Variants in MTERF3 observed in about 807,000 individuals in gnomAD.
MTERF3 encodes the protein transcription termination factor 3, mitochondrial.
A neutral mutation model predicts 40.5 loss-of-function variants in MTERF3; 40 were observed. The observed-to-expected ratio is 0.99, with a 90% CI of 0.77 to 1.29. The LOEUF is 1.29. MTERF3 is among the 50% of genes most tolerant of loss of function. The pLI, the probability that MTERF3 is intolerant of heterozygous loss-of-function variation, is 0.00. For synonymous variants in MTERF3, 158 were observed against 166.6 expected (o/e 0.95, Z 0.40); for missense variants, 452 against 478.2 (o/e 0.95, Z 0.51).
In MTERF3 at chr8:96,245,857, T is replaced by C; in HGVS notation, c.897+3A>G. On this transcript the variant is annotated splice_donor_region_variant and intron_variant, in intron 6 of 7. Coordinates refer to ENST00000287025, the MANE Select transcript of MTERF3 (RefSeq NM_015942.5). ...TTTCTCAAAAAGCCTAAAGTTGTCC[T>C]ACCTTCATATTTTCTTTCACGGGTT... is the stretch of plus-strand genomic sequence containing the variant. The C allele has an allele frequency of 6.2e-7, 1 of 1,613,066 alleles. No individual in the cohort carries two copies. The highest frequency in any genetic ancestry group is 8.5e-7 in the Non-Finnish European group (1 of 1,179,076).
In MTERF3 at chr8:96,241,128, C is replaced by T. The variant is rs115914441; in HGVS notation, c.1060-1443G>A. Among the ~76,000 whole-genome samples the T allele has an allele frequency of 4.8e-3, 726 of 151,960 alleles. 3 individuals carry two copies. Among genetic ancestry groups the T allele is most frequent in the African/African-American group, 0.014 (582 of 41,462 alleles). On this transcript the variant is annotated intron_variant, in intron 7 of 7. Coordinates refer to ENST00000287025, the MANE Select transcript of MTERF3 (RefSeq NM_015942.5). ...GATTCTTGGCTTAAAAAACTATCAC[C>T]CGGCCGGGCGCGGTGGCTCACACCT...
intron 4 of MTERF3, among the ~76,000 whole-genome samples, chr8:96,250,681 A>AAGAAGGAGG (rs1195195158): frequency 2.1e-4 from 5 of 23,340 alleles, no homozygotes; most frequent in East Asian, 2.1e-3. Flanking sequence ...GAAGAAGAAG[A>AAGAAGGAGG]AGGAGGAGGA....
rs1286911802 is a variant in MTERF3, at chr8:96,239,675, G to T, written c.1070C>A (p.Thr357Lys). ...TCTTTCTTTGACCTTAAACAGCCTT[G>T]TATTAAATACCTAGAAAAGAAAAAA... ...IIVKFPQVFN[T>K]RLFKVKERHL... Residue 357 changes from threonine to lysine, a missense_variant, in exon 8 of 8, where the codon ACA becomes AAA. Coordinates refer to ENST00000287025, the MANE Select transcript of MTERF3 (RefSeq NM_015942.5). 4 of 1,580,492 alleles carry T rather than the reference G, an allele frequency of 2.5e-6. No individual in the cohort carries two copies. In the South Asian group the frequency reaches 4.7e-5, roughly 19 times the overall value.
Position 96,250,936 on chromosome 8 carries a change from A to G in MTERF3, c.647T>C (p.Phe216Ser). 1 of 1,609,852 alleles carries G rather than the reference A, an allele frequency of 6.2e-7. No individual in the cohort carries two copies. The highest frequency in any genetic ancestry group is 8.5e-7 in the Non-Finnish European group (1 of 1,179,054). Reference sequence around the variant, plus strand: ...CTTCAGATTTTCAAGGTCTTCAGAGAAAATTGCATGATTTTTTGTCAGGAA... The same window carrying G: ...CTTCAGATTTTCAAGGTCTTCAGAGGAAATTGCATGATTTTTTGTCAGGAA... ...GAFLTKNHAI[F>S]SEDLENLKTR... Residue 216 changes from phenylalanine to serine, a missense_variant, in exon 4 of 8, where the codon TTC becomes TCC. Coordinates refer to ENST00000287025, the MANE Select transcript of MTERF3 (RefSeq NM_015942.5).
At position 96,239,434 on chromosome 8, in the gene MTERF3, T is replaced by C. The variant is rs1170343504; in HGVS notation, c.*57A>G. The C allele has an allele frequency of 6.3e-6, 8 of 1,261,592 alleles. No homozygotes were observed. The highest frequency in any genetic ancestry group is 8.6e-6 in the Non-Finnish European group (8 of 929,530). 78.1% of individuals were successfully genotyped at this position (1,261,592 alleles called of 1,614,324 possible). ...AGACCCGAGGCATTTAAAAATATAT[T>C]CATTTATTCATATATATATTCACTT... On this transcript the variant is annotated 3_prime_UTR_variant, in exon 8 of 8. Coordinates refer to ENST00000287025, the MANE Select transcript of MTERF3 (RefSeq NM_015942.5).
At chr8:96,258,322 G>C in intron 2 of MTERF3, 35 bp downstream of exon 2, 2 of 1,556,688 alleles carry the variant, frequency 1.3e-6, no homozygotes, top group Non-Finnish European at 1.7e-6. Flanking sequence ...GGCCAAAGTA[G>C]GGAAAGGGAG....
chr8:96,249,781 A>G (rs780793407), intron 4 of MTERF3, among the ~76,000 whole-genome samples: 19 of 152,254 alleles, frequency 1.2e-4, no homozygotes, highest in Non-Finnish European at 2.2e-4. Flanking sequence ...TAGTCAAAGC[A>G]AAGATTCAGA....
chr8:96,246,370 T>G lies in MTERF3; in HGVS notation c.762A>C (p.Ser254=), dbSNP rs542302775. The change falls in exon 5 of 8, where the codon TCA becomes TCC. Residue 254 remains serine (S), a synonymous_variant. Coordinates refer to ENST00000287025, the MANE Select transcript of MTERF3 (RefSeq NM_015942.5). Reference sequence around the variant, plus strand: ...CCAATCTGTTATCCAGTCTTTCCACTGAAAAGTTCAGCAAAAATGGTGCTT... The same window carrying G: ...CCAATCTGTTATCCAGTCTTTCCACGGAAAAGTTCAGCAAAAATGGTGCTT... ...VRKAPFLLNF[S]VERLDNRLGF... 9 of 1,613,010 alleles carry G rather than the reference T, an allele frequency of 5.6e-6. No individual in the cohort carries two copies. In the African/African-American group the frequency reaches 1.2e-4, roughly 21 times the overall value.
At chr8:96,257,184 T>G in intron 2 of MTERF3, 70 bp from the exon 3 acceptor site, 89 of 1,424,592 alleles carry the variant, frequency 6.2e-5, no homozygotes, top group Non-Finnish European at 7.7e-5. Context: ...AGACCAGCTC[T>G]TCCCTTGTTT....
chr8:96,247,185 C>A (rs918044811), intron 4 of MTERF3, among the ~76,000 whole-genome samples: 1 of 152,082 alleles, frequency 6.6e-6, no homozygotes, highest in Non-Finnish European at 1.5e-5. Flanking sequence ...GTTGACCAGG[C>A]TAGTCTCGAA....
chr8:96,261,084 G>T (rs1333679878), intron 1 of MTERF3, among the ~76,000 whole-genome samples: 1 of 152,190 alleles, frequency 6.6e-6, no homozygotes, highest in Non-Finnish European at 1.5e-5. Context: ...CATATATACT[G>T]TTCTCAATGA....
At chr8:96,241,390 C>G (rs1013921173) in intron 7 of MTERF3, among the ~76,000 whole-genome samples, 1 of 150,636 alleles carries the variant, frequency 6.6e-6, no homozygotes, top group Non-Finnish European at 1.5e-5. Context: ...AGCCTGGCGA[C>G]AGAGCCAGAC....
In MTERF3 at chr8:96,261,564, G is replaced by C. The variant is rs1293267734; in HGVS notation, c.-74C>G. The C allele has an allele frequency of 3.9e-5, 6 of 154,830 alleles. No homozygotes were observed. Among genetic ancestry groups the C allele is most frequent in the African/African-American group, 1.4e-4 (6 of 41,602 alleles). 9.6% of individuals were successfully genotyped at this position (154,830 alleles called of 1,614,324 possible). On this transcript the variant is annotated 5_prime_UTR_variant, in exon 1 of 8. Coordinates refer to ENST00000287025, the MANE Select transcript of MTERF3 (RefSeq NM_015942.5). ...GACCGACCAACTCGCTGGGCCGCAC[G>C]TCCCGTCCCGCCGCGCCGCACGCCG...
chr8:96,254,976 C>T (rs1441719594), intron 3 of MTERF3, among the ~76,000 whole-genome samples: 1 of 152,196 alleles, frequency 6.6e-6, no homozygotes, highest in African/African-American at 2.4e-5. Context: ...GTGATGTTCT[C>T]CAGTTGTTGG....
At chr8:96,260,646 G>C (rs1186385758) in intron 1 of MTERF3, among the ~76,000 whole-genome samples, 5 of 152,120 alleles carry the variant, frequency 3.3e-5, no homozygotes, top group Non-Finnish European at 5.9e-5. Flanking sequence ...TAAACATCAG[G>C]AAGACTCACT....
chr8:96,241,408 C>CA (rs1167206782), intron 7 of MTERF3, among the ~76,000 whole-genome samples: 2,004 of 139,932 alleles, frequency 0.014, 51 homozygotes, highest in African/African-American at 0.046. Context: ...GACTCCATCG[C>CA]AAAAAAAAAC....
At chr8:96,255,137 C>T (rs567482550) in intron 3 of MTERF3, among the ~76,000 whole-genome samples, 1 of 152,294 alleles carries the variant, frequency 6.6e-6, no homozygotes, top group South Asian at 2.1e-4. Flanking sequence ...AGAGCACTAA[C>T]ACTGGAAAGA....
Position 96,258,570 on chromosome 8 carries a change from A to G in MTERF3, c.121T>C (p.Phe41Leu). 6.2e-7 allele frequency: 1 copy of G among 1,614,156 alleles called. No homozygotes were observed. Among genetic ancestry groups the G allele is most frequent in the African/African-American group, 1.3e-5 (1 of 75,066 alleles). The change falls in exon 2 of 8, where the codon TTT becomes CTT. Residue 41 changes from phenylalanine to leucine, a missense_variant. Physicochemically the swap from Phe to Leu is conservative, Grantham distance 22 (BLOSUM62 0). Transcript: ENST00000287025. Reference protein sequence around the residue: ...TRPARTLLHGFSAQPQISSDN... With the variant: ...TRPARTLLHGLSAQPQISSDN... Reference sequence around the variant, plus strand: ...GAGGATATCTGAGGCTGAGCAGAAAAGCCATGTAACAGTGTTCTTGCTGGT... The same window carrying G: ...GAGGATATCTGAGGCTGAGCAGAAAGGCCATGTAACAGTGTTCTTGCTGGT...
chr8:96,242,171 A>AT (rs1380759572), intron 7 of MTERF3, among the ~76,000 whole-genome samples: 2 of 152,248 alleles, frequency 1.3e-5, no homozygotes, highest in Non-Finnish European at 1.5e-5. Flanking sequence ...CCGTTAATGT[A>AT]TTTTTTCATT....
Sources: allele counts gnomAD v4.1 joint callset (sites outside exome capture counted in the v4.1 genomes callset), GRCh38; gene constraint gnomAD v4.1.1; transcripts MANE v1.5; gene names NCBI Gene and HGNC (gene_info 2026-07-23, HGNC 2026-07-21).